Variants in ADAMTS6 observed in about 807,000 individuals in gnomAD.
The protein encoded by ADAMTS6 is A disintegrin and metalloproteinase with thrombospondin motifs 6.
ADAMTS6 carries 23 observed loss-of-function variants against 144.3 expected under a neutral mutation model. The ratio of observed to expected loss-of-function variants is 0.16; its 90% CI spans 0.11 to 0.23. ADAMTS6 has a LOEUF of 0.23. ADAMTS6 is among the 10% of genes least tolerant of loss of function. The pLI is 1.00. For missense variants in ADAMTS6, 999 were observed against 1,379.6 expected (o/e 0.72, Z 4.37); for synonymous variants, 444 against 457.5 (o/e 0.97, Z 0.38).
intron 7 of ADAMTS6, among the ~76,000 whole-genome samples, chr5:65,370,512 A>G (rs1750767094): frequency 6.6e-6 from 1 of 152,176 alleles, no homozygotes. Flanking sequence ...GAAAGGGGTG[A>G]CAGATGGCAC....
intron 22 of ADAMTS6, among the ~76,000 whole-genome samples, chr5:65,182,443 C>CAAAAAAAAAAAAAA (rs1216237939): frequency 1.8e-5 from 1 of 56,478 alleles, no homozygotes; most frequent in African/African-American, 5.3e-5. Flanking sequence ...GACTCCATCT[C>CAAAAAAAAAAAAAA]AAAAAAAAAA....
At chr5:65,469,898 A>G (rs756232032) in intron 3 of ADAMTS6, among the ~76,000 whole-genome samples, 1 of 152,234 alleles carries the variant, frequency 6.6e-6, no homozygotes. Flanking sequence ...TTTCACAGAT[A>G]CAGCTTTAAT....
At chr5:65,270,893 G>C (rs1050926454) in intron 12 of ADAMTS6, among the ~76,000 whole-genome samples, 1 of 152,124 alleles carries the variant, frequency 6.6e-6, no homozygotes, top group African/African-American at 2.4e-5. Context: ...GGGCAGGCAA[G>C]AGGCTTTTTA....
intron 7 of ADAMTS6, among the ~76,000 whole-genome samples, chr5:65,349,530 G>A (rs916498329): frequency 6.6e-6 from 1 of 152,022 alleles, no homozygotes; most frequent in South Asian, 2.1e-4. Flanking sequence ...GCCTTTTAAA[G>A]TTTTGTGTAG....
chr5:65,369,790 GCCCT>G (rs1750671462), intron 7 of ADAMTS6, among the ~76,000 whole-genome samples: 1 of 151,990 alleles, frequency 6.6e-6, no homozygotes, highest in South Asian at 2.1e-4. Flanking sequence ...CTTCTTTTTA[GCCCT>G]TATATTTTTC....
intron 7 of ADAMTS6, among the ~76,000 whole-genome samples, chr5:65,387,384 T>A (rs1435821259): frequency 6.6e-6 from 1 of 152,246 alleles, no homozygotes; most frequent in East Asian, 1.9e-4. Flanking sequence ...ATCACATTTT[T>A]AAAATTTTGT....
chr5:65,421,297 A>G (rs577676024), intron 7 of ADAMTS6, among the ~76,000 whole-genome samples: 1 of 152,298 alleles, frequency 6.6e-6, no homozygotes, highest in African/African-American at 2.4e-5. Flanking sequence ...CTTGTCTGAA[A>G]AAGACTTTAT....
At chr5:65,208,302 T>C (rs901165559) in intron 20 of ADAMTS6, among the ~76,000 whole-genome samples, 2 of 152,228 alleles carry the variant, frequency 1.3e-5, no homozygotes, top group African/African-American at 4.8e-5. Context: ...CAAAGCCTGA[T>C]GTCCAGGCCA....
At chr5:65,354,060 T>C (rs1184913566) in intron 7 of ADAMTS6, among the ~76,000 whole-genome samples, 1 of 151,912 alleles carries the variant, frequency 6.6e-6, no homozygotes, top group Admixed American at 6.6e-5. Context: ...TCTATGTAAA[T>C]ATGAGATATC....
chr5:65,314,987 T>C (rs1436996380), intron 9 of ADAMTS6, among the ~76,000 whole-genome samples: 1 of 152,118 alleles, frequency 6.6e-6, no homozygotes, highest in African/African-American at 2.4e-5. Flanking sequence ...ACATACCCCA[T>C]AAATGCATAC....
Position 65,452,934 on chromosome 5 carries a change from C to G in ADAMTS6, c.632-16G>C, listed in dbSNP as rs754569473. ...CTTGTGAAATCTACAATAAAAGCAG[C>G]CAATTCAGATAGGTTCACTAATTAA... On this transcript the variant is annotated splice_polypyrimidine_tract_variant and intron_variant, in intron 4 of 24. Transcript: ENST00000381055. 4.2e-5 allele frequency: 68 copies of G among 1,600,652 alleles called. No individual in the cohort carries two copies. In the South Asian group the frequency reaches 7.4e-4, roughly 17 times the overall value.
chr5:65,414,125 C>G (rs1321433331), intron 7 of ADAMTS6, among the ~76,000 whole-genome samples: 1 of 152,134 alleles, frequency 6.6e-6, no homozygotes, highest in African/African-American at 2.4e-5. Flanking sequence ...CATGAGGAAT[C>G]TGAATGAATA....
chr5:65,225,176 A>G lies in ADAMTS6; in HGVS notation c.2068-129T>C, dbSNP rs1298116329. On this transcript the variant is annotated intron_variant, in intron 16 of 24. Transcript: ENST00000381055. ...AAAAGAAAAATAAGGTAATCCGTGAATAAAAACCATACTTGGGTCTTTGTT... is the reference window on the plus strand; with the variant it reads ...AAAAGAAAAATAAGGTAATCCGTGAGTAAAAACCATACTTGGGTCTTTGTT... 3 of 1,070,010 alleles carry G rather than the reference A, an allele frequency of 2.8e-6. No homozygotes were observed. In the African/African-American group the frequency reaches 4.8e-5, roughly 17 times the overall value. The allele number at this position is 1,070,010 out of a possible 1,614,324, so 66.3% of individuals were successfully genotyped here. A position where few individuals can be genotyped will look rare whatever the true frequency, so the allele number is the denominator to read the frequency against.
chr5:65,377,501 A>G (rs1185807489), intron 7 of ADAMTS6, among the ~76,000 whole-genome samples: 1 of 152,214 alleles, frequency 6.6e-6, no homozygotes. Flanking sequence ...CAATCCGGAG[A>G]GATGATTTAG....
chr5:65,392,341 T>C (rs960718600), intron 7 of ADAMTS6, among the ~76,000 whole-genome samples: 1 of 152,150 alleles, frequency 6.6e-6, no homozygotes, highest in African/African-American at 2.4e-5. Flanking sequence ...CCCCCAAATT[T>C]AGCATCCATA....
At chr5:65,300,987 G>A (rs1352287365) in intron 9 of ADAMTS6, among the ~76,000 whole-genome samples, 1 of 152,082 alleles carries the variant, frequency 6.6e-6, no homozygotes, top group Non-Finnish European at 1.5e-5. Context: ...CATGTAATTT[G>A]TGGTCGTTTG....
chr5:65,387,095 G>C (rs1001669660), intron 7 of ADAMTS6, among the ~76,000 whole-genome samples: 1 of 152,168 alleles, frequency 6.6e-6, no homozygotes, highest in Admixed American at 6.5e-5. Flanking sequence ...TGTGGTACCT[G>C]AAATTCCATG....
At chr5:65,478,579 CTCCT>C (rs766545511) in intron 1 of ADAMTS6, among the ~76,000 whole-genome samples, 1 of 152,050 alleles carries the variant, frequency 6.6e-6, no homozygotes, top group Non-Finnish European at 1.5e-5. Flanking sequence ...AATATTAGCC[CTCCT>C]TCCTTCATTA....
chr5:65,250,416 C>A (rs1338090960), intron 14 of ADAMTS6, among the ~76,000 whole-genome samples: 1 of 152,086 alleles, frequency 6.6e-6, no homozygotes, highest in African/African-American at 2.4e-5. Context: ...TCTGCCACAA[C>A]CAAAGCAAAA....
Sources: allele counts gnomAD v4.1 joint callset (sites outside exome capture counted in the v4.1 genomes callset), GRCh38; gene constraint gnomAD v4.1.1; transcripts MANE v1.5; gene names NCBI Gene and HGNC (gene_info 2026-07-23, HGNC 2026-07-21).